Variants in CFAP74 observed in about 807,000 individuals in gnomAD.
CFAP74 encodes the protein cilia- and flagella-associated protein 74.
Under a neutral mutation model 188.9 loss-of-function variants are expected in CFAP74, and 124 were observed. The observed-to-expected ratio is 0.66, with a 90% CI of 0.57 to 0.76. CFAP74 has a LOEUF of 0.76. Among genes scored for constraint, CFAP74 ranks in the 30% least tolerant of loss-of-function variants. CFAP74 has a pLI of 0.00. For missense variants in CFAP74, 2,198 were observed against 2,165.2 expected, an observed-to-expected ratio of 1.02 and a Z score of -0.30; for synonymous variants, 956 against 916.7, an observed-to-expected ratio of 1.04 and a Z score of -0.77.
At chr1:1,928,702 C>T (rs28531873) in intron 27 of CFAP74, 82 bp downstream of exon 27, 94,568 of 1,064,380 alleles carry the variant, frequency 0.089, 9,965 homozygotes, top group African/African-American at 0.41. Context: ...GCCGGAGCCC[C>T]CCAGGACTCG....
rs543451482 is a variant in CFAP74, at chr1:1,926,880, A to G, written c.3662+14T>C. 2.3e-4 allele frequency: 351 copies of G among 1,549,932 alleles called. 2 individuals carry two copies. The African/African-American group carries it at 4.1e-3, about 18-fold the overall frequency. On this transcript the variant is annotated intron_variant, in intron 29 of 38. Coordinates refer to ENST00000682832, the MANE Select transcript of CFAP74 (RefSeq NM_001304360.2). Reference sequence around the variant, plus strand: ...CGGCTGACCACACCCTGTTCTGGCCAGAGCACCCCGCACCTGAAGCTCAGG... The same window carrying G: ...CGGCTGACCACACCCTGTTCTGGCCGGAGCACCCCGCACCTGAAGCTCAGG...
At chr1:1,950,337 T>A (rs1280212105) in intron 18 of CFAP74, among the ~76,000 whole-genome samples, 1 of 134,118 alleles carries the variant, frequency 7.5e-6, no homozygotes, top group Non-Finnish European at 1.5e-5. Context: ...CTTTTGCCCA[T>A]TTTTTTTTTT....
At chr1:1,961,669 G>T (rs909017132) in intron 14 of CFAP74, among the ~76,000 whole-genome samples, 1 of 152,068 alleles carries the variant, frequency 6.6e-6, no homozygotes, top group Non-Finnish European at 1.5e-5. Flanking sequence ...ATGACTAGAG[G>T]ACACAGAACC....
At chr1:1,933,084 C>A (rs1207874716) in intron 25 of CFAP74, among the ~76,000 whole-genome samples, 1 of 151,126 alleles carries the variant, frequency 6.6e-6, no homozygotes, top group African/African-American at 2.4e-5. Context: ...GACGGGGTTT[C>A]AACGTGTTAG....
intron 6 of CFAP74, chr1:1,985,030 C>G (rs1052548757): frequency 1.5e-5 from 3 of 206,648 alleles, no homozygotes; most frequent in Non-Finnish European, 3.0e-5. Context: ...GGCAACTCGA[C>G]GCATCCAACC....
rs182768716 is a variant in CFAP74, at chr1:1,948,700, C to T, written c.2177-1646G>A. Among the ~76,000 whole-genome samples, 648 of 151,520 alleles carry T rather than the reference C, an allele frequency of 4.3e-3. 2 individuals are homozygous for T. Among genetic ancestry groups the T allele is most frequent in the Non-Finnish European group, 6.4e-3 (436 of 67,864 alleles). ...ACTTCCCAGGCTCAAGCGATCCTCC[C>T]GGCTCAGCATCCTGAGTAGCTGGGA... On this transcript the variant is annotated intron_variant, in intron 18 of 38. Transcript: ENST00000682832.
chr1:1,971,116 CATGCTCACACGTGCACACACAT>C (rs1655981719), intron 9 of CFAP74, among the ~76,000 whole-genome samples: 1 of 147,922 alleles, frequency 6.8e-6, no homozygotes, highest in East Asian at 2.4e-4. Context: ...TGTGCACACA[CATGCTCACACGTGCACACACAT>C]GCTCGCACAT....
intron 25 of CFAP74, 106 bp from the exon 26 acceptor site, chr1:1,930,442 C>A: frequency 8.8e-7 from 1 of 1,131,926 alleles, no homozygotes; most frequent in Non-Finnish European, 1.2e-6. Flanking sequence ...GGGGGGCTCA[C>A]AGGGACATGC....
At position 1,960,018 on chromosome 1, in the gene CFAP74, AGGGGGGT is replaced by A; in HGVS notation, c.1700_1706del (p.Asp567ValfsTer19). ...AGGACATTCCGGCTGACAGGGGGCC[AGGGGGGT>A]CAAAGCTGCAGGACGTGACCCATAG... On this transcript the variant is annotated frameshift_variant, in exon 15 of 39. Coordinates refer to ENST00000682832, the MANE Select transcript of CFAP74 (RefSeq NM_001304360.2). LOFTEE classifies it high-confidence loss of function. 1 of 1,592,096 alleles carries A rather than the reference AGGGGGGT, an allele frequency of 6.3e-7. No individual in the cohort carries two copies. The highest frequency in any genetic ancestry group is 2.4e-5 in the East Asian group (1 of 42,304).
chr1:1,994,062 G>C (rs1424904983), intron 1 of CFAP74, among the ~76,000 whole-genome samples: 2 of 151,966 alleles, frequency 1.3e-5, no homozygotes, highest in Non-Finnish European at 2.9e-5. Flanking sequence ...CTATTCAGGA[G>C]GCTGCGGTGG....
At chr1:1,956,552 T>C (rs1654642294) in intron 17 of CFAP74, 68 bp downstream of exon 17, 2 of 1,587,872 alleles carry the variant, frequency 1.3e-6, no homozygotes, top group African/African-American at 2.7e-5. Context: ...TCACCTCTGT[T>C]CACCCACATG....
At chr1:1,981,629 G>A (rs13303085) in intron 6 of CFAP74, among the ~76,000 whole-genome samples, 15 of 60,394 alleles carry the variant, frequency 2.5e-4, no homozygotes, top group East Asian at 6.0e-4. Flanking sequence ...AGACACGGGG[G>A]CACGCAGGAC....
intron 16 of CFAP74, among the ~76,000 whole-genome samples, chr1:1,957,385 C>G (rs1032065762): frequency 6.6e-6 from 1 of 152,210 alleles, no homozygotes; most frequent in African/African-American, 2.4e-5. Context: ...CAGGGGCCAC[C>G]GACGCAAATG....
chr1:1,929,333 G>A (rs1229296368), intron 26 of CFAP74, among the ~76,000 whole-genome samples: 5 of 5,002 alleles, frequency 1.0e-3, no homozygotes, highest in Admixed American at 2.6e-3. Flanking sequence ...CACAGGCAGT[G>A]TGCAGTATGG....
intron 18 of CFAP74, chr1:1,954,991 A>G (rs1654453533): frequency 2.6e-6 from 3 of 1,151,394 alleles, no homozygotes; most frequent in Admixed American, 1.0e-4. Flanking sequence ...TCTCTCAGGA[A>G]AGGAAACGCC....
At chr1:1,976,219 C>T (rs1216307533) in intron 6 of CFAP74, among the ~76,000 whole-genome samples, 3 of 152,250 alleles carry the variant, frequency 2.0e-5, no homozygotes, top group East Asian at 1.9e-4. Flanking sequence ...GGTTTGGACG[C>T]GTGTCCCCCG....
Position 1,988,515 on chromosome 1 carries a change from ATCT to A in CFAP74, c.290_292del (p.Lys97del), listed in dbSNP as rs751664001. On this transcript the variant is annotated inframe_deletion, in exon 4 of 39. Transcript: ENST00000682832. ...AGCGGCCTCAGCCCCAGCTCACCTC[ATCT>A]TCTCAGTGAAAAGCTCTTGCTCCTC... The A allele has an allele frequency of 7.4e-6, 12 of 1,611,686 alleles. No homozygotes were observed. Among genetic ancestry groups the A allele is most frequent in the South Asian group, 2.2e-5 (2 of 91,044 alleles).
intron 21 of CFAP74, among the ~76,000 whole-genome samples, 187 bp downstream of exon 21, chr1:1,944,144 G>C (rs1005324517): frequency 5.9e-5 from 9 of 152,228 alleles, no homozygotes; most frequent in Non-Finnish European, 8.8e-5. Context: ...GGCAGCCCCA[G>C]GTGCCATGTC....
intron 1 of CFAP74, among the ~76,000 whole-genome samples, chr1:1,996,141 C>T (rs574999746): frequency 3.3e-5 from 5 of 152,054 alleles, no homozygotes; most frequent in Middle Eastern, 3.4e-3. Flanking sequence ...CAGGCCACCA[C>T]GCCTGGCTAA....
Sources: gnomAD v4.1 joint callset for allele counts (sites outside exome capture counted in the v4.1 genomes callset) on GRCh38, gnomAD v4.1.1 for gene constraint, MANE v1.5 for transcripts, NCBI Gene and HGNC (gene_info 2026-07-23, HGNC 2026-07-21) for gene names.